SYT9: variants seen among roughly 807,000 people sequenced by gnomAD.
The protein encoded by SYT9 is synaptotagmin-9.
In SYT9, 22 loss-of-function variants were observed where a neutral mutation model predicts 48.4. That is an observed-to-expected ratio of 0.45 (90% CI 0.32 to 0.65). The LOEUF (loss-of-function observed/expected upper bound fraction) is 0.65. Ranked by LOEUF, SYT9 falls within the 30% of genes least tolerant of loss-of-function variation. The pLI is 0.03. For missense variants in SYT9, 577 were observed against 622.0 expected, an observed-to-expected ratio of 0.93 and a Z score of 0.77; for synonymous variants, 265 against 245.0, an observed-to-expected ratio of 1.08 and a Z score of -0.76.
chr11:7,247,473 A>G (rs1847804650), upstream of SYT9, among the ~76,000 whole-genome samples: 1 of 150,276 alleles, frequency 6.7e-6, no homozygotes, highest in African/African-American at 2.5e-5. Flanking sequence ...ATATATATAT[A>G]CATATATATA....
chr11:7,245,141 T>G (rs1241704138), intron 1 of SYT9, among the ~76,000 whole-genome samples: 1 of 152,180 alleles, frequency 6.6e-6, no homozygotes, highest in African/African-American at 2.4e-5. Flanking sequence ...CAGACAAATT[T>G]GAATTTGAAT....
chr11:7,451,444 A>C (rs1214141981), intron 6 of SYT9, among the ~76,000 whole-genome samples: 1 of 152,216 alleles, frequency 6.6e-6, no homozygotes, highest in East Asian at 1.9e-4. Flanking sequence ...GCCTGAAGTG[A>C]AAATGTATGA....
chr11:7,390,059 T>C (rs1421821060), intron 3 of SYT9, among the ~76,000 whole-genome samples: 2 of 152,190 alleles, frequency 1.3e-5, no homozygotes, highest in East Asian at 3.8e-4. Flanking sequence ...CAGGTATACG[T>C]GTGCCATGTG....
chr11:7,314,050 A>G lies in SYT9; in HGVS notation c.1044+109A>G, dbSNP rs183038305. The G allele has an allele frequency of 1.6e-5, 21 of 1,281,894 alleles. No homozygotes were observed. In the East Asian group the frequency reaches 4.9e-4, roughly 30 times the overall value. 79.4% of individuals were successfully genotyped at this position (1,281,894 alleles called of 1,614,324 possible). A position where few individuals can be genotyped will look rare whatever the true frequency, so the allele number is the denominator to read the frequency against. On this transcript the variant is annotated intron_variant, in intron 3 of 6. Coordinates refer to ENST00000318881, the MANE Select transcript of SYT9 (RefSeq NM_175733.4). ...CAAAGTGTAAAATTCCTGTCAATGT[A>G]CATGTAGCAGTTATTTCAGAACCTC...
At chr11:7,276,134 G>A (rs1183279319) in intron 1 of SYT9, among the ~76,000 whole-genome samples, 1 of 152,036 alleles carries the variant, frequency 6.6e-6, no homozygotes, top group Non-Finnish European at 1.5e-5. Context: ...CCCACCCTCA[G>A]TCACTCAGGT....
intron 3 of SYT9, among the ~76,000 whole-genome samples, chr11:7,380,182 AG>A (rs1850534739): frequency 6.6e-6 from 1 of 152,194 alleles, no homozygotes; most frequent in East Asian, 1.9e-4. Flanking sequence ...CAGTGAATTA[AG>A]CCAGGCACAG....
intron 1 of SYT9, among the ~76,000 whole-genome samples, chr11:7,266,916 T>C (rs1040210363): frequency 1.3e-5 from 2 of 152,100 alleles, no homozygotes; most frequent in Non-Finnish European, 2.9e-5. Flanking sequence ...TAGTACTTGA[T>C]TCCTTAAATG....
chr11:7,329,875 G>A (rs1849497017), intron 3 of SYT9, among the ~76,000 whole-genome samples: 2 of 152,106 alleles, frequency 1.3e-5, no homozygotes, highest in African/African-American at 4.8e-5. Context: ...GGGAGGACAG[G>A]GAAGAAAGCT....
chr11:7,254,889 C>T lies in SYT9; in HGVS notation c.145+2558C>T, dbSNP rs115159521. ...GTGGAAAGACTAGGGCACAGACCAG[C>T]GGGCCTGAGCCATCAGAAAGGTTCT... On this transcript the variant is annotated intron_variant, in intron 1 of 6. Transcript: ENST00000318881. Among the ~76,000 whole-genome samples, 729 of 152,258 alleles carry T rather than the reference C, an allele frequency of 4.8e-3. 7 individuals carry two copies. The highest frequency in any genetic ancestry group is 0.017 in the African/African-American group (692 of 41,544).
intron 3 of SYT9, among the ~76,000 whole-genome samples, chr11:7,343,882 AG>A (rs1414865532): frequency 6.6e-6 from 1 of 152,216 alleles, no homozygotes; most frequent in East Asian, 1.9e-4. Flanking sequence ...ACATGGTGGC[AG>A]GCAAGACAGA....
At chr11:7,301,150 C>T (rs1374248367) in intron 1 of SYT9, among the ~76,000 whole-genome samples, 1 of 152,148 alleles carries the variant, frequency 6.6e-6, no homozygotes, top group Non-Finnish European at 1.5e-5. Flanking sequence ...TATCCCATTT[C>T]TGCGGGATTT....
chr11:7,428,534 G>C (rs895154022), intron 6 of SYT9, among the ~76,000 whole-genome samples: 8 of 152,234 alleles, frequency 5.3e-5, no homozygotes, highest in Non-Finnish European at 8.8e-5. Context: ...GGGGAATGGG[G>C]CCTGGGGCAA....
At chr11:7,425,128 A>G (rs566552426) in intron 6 of SYT9, among the ~76,000 whole-genome samples, 2 of 152,260 alleles carry the variant, frequency 1.3e-5, no homozygotes, top group Admixed American at 6.5e-5. Context: ...AGATCCACAT[A>G]TTCCCAGGAG....
intron 3 of SYT9, among the ~76,000 whole-genome samples, chr11:7,356,893 A>C (rs972279825): frequency 4.6e-5 from 7 of 152,174 alleles, no homozygotes; most frequent in African/African-American, 1.7e-4. Context: ...CCCTACCTTC[A>C]TGGTGTTTCA....
chr11:7,426,072 G>A (rs889296230), intron 6 of SYT9, among the ~76,000 whole-genome samples: 29 of 152,086 alleles, frequency 1.9e-4, no homozygotes, highest in African/African-American at 6.0e-4. Flanking sequence ...AGTAGTTCTC[G>A]GTCTTTTCCA....
In SYT9 at chr11:7,252,207, G is replaced by C; in HGVS notation, c.21G>C (p.Ala7=). 1 of 1,473,334 alleles carries C rather than the reference G, an allele frequency of 6.8e-7. No homozygotes were observed. 91.3% of individuals were successfully genotyped at this position (1,473,334 alleles called of 1,614,324 possible). ...GGGCGATGCCCGGGGCCAGGGACGCGCTCTGTCACCAGGCGCTGCAGCTGC... is the reference window on the plus strand; with the variant it reads ...GGGCGATGCCCGGGGCCAGGGACGCCCTCTGTCACCAGGCGCTGCAGCTGC... MPGARD[A]LCHQALQLLA... is the part of the protein sequence containing the mutation. The change falls in exon 1 of 7, where the codon GCG becomes GCC. Residue 7 remains alanine, a synonymous_variant. Coordinates refer to ENST00000318881, the MANE Select transcript of SYT9 (RefSeq NM_175733.4). This position sits in a 1 kb window ranked among gnomAD's most constrained non-coding sequence, Gnocchi z 6.3.
intron 3 of SYT9, among the ~76,000 whole-genome samples, chr11:7,399,210 G>A (rs1448929026): frequency 6.6e-6 from 1 of 152,130 alleles, no homozygotes; most frequent in African/African-American, 2.4e-5. Context: ...AGAAGAGTAT[G>A]GTGTTGGAAT....
At chr11:7,415,263 G>C (rs565388111) in intron 3 of SYT9, among the ~76,000 whole-genome samples, 1 of 152,316 alleles carries the variant, frequency 6.6e-6, no homozygotes, top group Non-Finnish European at 1.5e-5. Flanking sequence ...TGTGTCCAGG[G>C]CTCTGAATGT....
chr11:7,343,266 G>C (rs1233047940), intron 3 of SYT9, among the ~76,000 whole-genome samples: 1 of 152,096 alleles, frequency 6.6e-6, no homozygotes, highest in Non-Finnish European at 1.5e-5. Flanking sequence ...TCTATTGCAT[G>C]GTCAGGCTGC....
Sources: allele counts gnomAD v4.1 joint callset (sites outside exome capture counted in the v4.1 genomes callset), GRCh38; gene constraint gnomAD v4.1.1; non-coding constraint Gnocchi (gnomAD v3.1); transcripts MANE v1.5; gene names NCBI Gene and HGNC (gene_info 2026-07-23, HGNC 2026-07-21).